ASIC2: variants seen among roughly 807,000 people sequenced by gnomAD.
The protein encoded by ASIC2 is acid-sensing ion channel 2.
A neutral mutation model predicts 57.3 loss-of-function variants in ASIC2; 25 were observed. That is an observed-to-expected ratio of 0.44 (90% confidence interval 0.32 to 0.61). The LOEUF (loss-of-function observed/expected upper bound fraction) is 0.61. Among genes scored for constraint, ASIC2 ranks in the 20% least tolerant of loss-of-function variants. The pLI is 0.06. For synonymous variants in ASIC2, 319 were observed against 307.5 expected (o/e 1.04, Z -0.39); for missense variants, 641 against 738.1 (o/e 0.87, Z 1.52).
chr17:33,889,615 A>G (rs1450583659), intron 1 of ASIC2, among the ~76,000 whole-genome samples: 1 of 152,328 alleles, frequency 6.6e-6, no homozygotes, highest in African/African-American at 2.4e-5. Context: ...GATAATACTA[A>G]CGTAAGTTGC....
intron 1 of ASIC2, among the ~76,000 whole-genome samples, chr17:33,523,874 T>C (rs746521124): frequency 2.6e-5 from 4 of 152,202 alleles, no homozygotes; most frequent in Non-Finnish European, 4.4e-5. Context: ...GGGAAGTTCC[T>C]GCTCTCATGA....
chr17:33,845,449 G>C (rs141597033), intron 1 of ASIC2, among the ~76,000 whole-genome samples: 1 of 152,150 alleles, frequency 6.6e-6, no homozygotes, highest in East Asian at 1.9e-4. Flanking sequence ...TGGTAAGAGA[G>C]CAGCCTTGAA....
At position 33,864,642 on chromosome 17, in the gene ASIC2, C is replaced by T. The variant is rs978613308; in HGVS notation, c.555+291336G>A. On this transcript the variant is annotated intron_variant, in intron 1 of 9. Coordinates refer to the ASIC2 transcript ENST00000359872. Reference sequence around the variant, plus strand: ...TGGAGGGGAGACTGTTCTGAATTTCCCAGCAGCGAACAGGTACCCTATGCA... The same window carrying T: ...TGGAGGGGAGACTGTTCTGAATTTCTCAGCAGCGAACAGGTACCCTATGCA... Among the ~76,000 whole-genome samples, 54 of 152,116 alleles carry T rather than the reference C, an allele frequency of 3.5e-4. 1 individual carries two copies. The highest frequency in any genetic ancestry group is 6.6e-4 in the Non-Finnish European group (45 of 68,028).
chr17:33,163,399 C>G (rs1905216302), intron 1 of ASIC2, among the ~76,000 whole-genome samples: 1 of 151,932 alleles, frequency 6.6e-6, no homozygotes, highest in South Asian at 2.1e-4. Flanking sequence ...CTGCACCAGC[C>G]CCTGCCTGCA....
At chr17:33,844,228 A>C (rs917927524) in intron 1 of ASIC2, among the ~76,000 whole-genome samples, 3 of 152,210 alleles carry the variant, frequency 2.0e-5, no homozygotes, top group Admixed American at 6.5e-5. Context: ...CTTTTAAATG[A>C]ATTTTACTAA....
chr17:34,099,388 G>T (rs1356811396), intron 1 of ASIC2, among the ~76,000 whole-genome samples: 1 of 133,166 alleles, frequency 7.5e-6, no homozygotes, highest in Non-Finnish European at 1.6e-5. Flanking sequence ...AAAAGAGAAA[G>T]AGGAAAAAAG....
intron 1 of ASIC2, among the ~76,000 whole-genome samples, chr17:33,635,844 A>T (rs899302021): frequency 6.6e-6 from 1 of 152,190 alleles, no homozygotes; most frequent in African/African-American, 2.4e-5. Flanking sequence ...TCTTACTGAA[A>T]GAGTCACATA....
intron 1 of ASIC2, among the ~76,000 whole-genome samples, chr17:33,990,727 T>C (rs927647353): frequency 2.6e-5 from 4 of 151,986 alleles, no homozygotes; most frequent in Non-Finnish European, 5.9e-5. Flanking sequence ...CAAAGCGCAA[T>C]GTGAGAAGAA....
chr17:33,122,023 G>C (rs781268833), intron 1 of ASIC2, among the ~76,000 whole-genome samples: 3 of 152,348 alleles, frequency 2.0e-5, no homozygotes, highest in Admixed American at 1.3e-4. Context: ...GGCTGACTGT[G>C]ATGAGCACCC....
intron 1 of ASIC2, among the ~76,000 whole-genome samples, chr17:33,734,147 C>T (rs1909835162): frequency 1.3e-5 from 2 of 152,182 alleles, no homozygotes; most frequent in South Asian, 4.1e-4. Flanking sequence ...TCTCTGCCTT[C>T]CCTCATGTGC....
At chr17:33,475,283 G>A (rs962217886) in intron 1 of ASIC2, among the ~76,000 whole-genome samples, 4 of 111,900 alleles carry the variant, frequency 3.6e-5, no homozygotes, top group African/African-American at 1.5e-4. Flanking sequence ...TACCATATTT[G>A]TTTCAGGTCT....
chr17:33,022,996 T>C (rs2091843416), intron 6 of ASIC2, among the ~76,000 whole-genome samples: 1 of 152,202 alleles, frequency 6.6e-6, no homozygotes, highest in South Asian at 2.1e-4. Flanking sequence ...CTTGAACTCC[T>C]GGCCTGAAGC....
intron 1 of ASIC2, among the ~76,000 whole-genome samples, chr17:34,149,499 A>G (rs1904430023): frequency 6.6e-6 from 1 of 152,170 alleles, no homozygotes; most frequent in Non-Finnish European, 1.5e-5. Context: ...ATTTCACCAT[A>G]TATCAACTAG....
chr17:33,112,117 CG>C (rs1387002022), intron 1 of ASIC2, 50 bp from the exon 2 acceptor site: 1 of 1,551,786 alleles, frequency 6.4e-7, no homozygotes, highest in Non-Finnish European at 8.7e-7. Context: ...TAACTTCAGA[CG>C]GGGGTCCAGA....
intron 1 of ASIC2, among the ~76,000 whole-genome samples, chr17:34,126,971 C>T (rs1002260243): frequency 1.3e-4 from 20 of 152,114 alleles, no homozygotes; most frequent in Non-Finnish European, 2.5e-4. Context: ...TTATTCCACC[C>T]TCCAACTCAG....
chr17:33,308,998 A>G (rs1906295795), intron 1 of ASIC2, among the ~76,000 whole-genome samples: 1 of 152,202 alleles, frequency 6.6e-6, no homozygotes, highest in Non-Finnish European at 1.5e-5. Flanking sequence ...TTCCAGGCTG[A>G]TAAATGCTTG....
intron 1 of ASIC2, among the ~76,000 whole-genome samples, chr17:33,453,258 C>G (rs1912328294): frequency 6.7e-6 from 1 of 148,658 alleles, no homozygotes; most frequent in African/African-American, 2.5e-5. Context: ...GCTGGGGACA[C>G]TCCTCTTCCT....
Position 33,231,676 on chromosome 17 carries a change from T to A in ASIC2, c.708+59732A>T, listed in dbSNP as rs371634. Among the ~76,000 whole-genome samples, 57 of 151,944 alleles carry A rather than the reference T, an allele frequency of 3.8e-4. No individual in the cohort carries two copies. In the South Asian group the frequency reaches 4.0e-3, roughly 11 times the overall value. On this transcript the variant is annotated intron_variant, in intron 1 of 9. Coordinates refer to ENST00000225823, the MANE Select transcript of ASIC2 (RefSeq NM_183377.2). ...CCTGATGGGTCACTGTGATCAGGGT[T>A]CTGGAACTGCTCCCTGACCCCATTA... is the stretch of plus-strand genomic sequence containing the variant.
intron 3 of ASIC2, among the ~76,000 whole-genome samples, chr17:33,079,184 G>A (rs2092101926): frequency 6.6e-6 from 1 of 152,204 alleles, no homozygotes; most frequent in Admixed American, 6.5e-5. Flanking sequence ...ATGAAGAATA[G>A]AAGTATGATA....
Sources: allele counts gnomAD v4.1 joint callset (sites outside exome capture counted in the v4.1 genomes callset), GRCh38; gene constraint gnomAD v4.1.1; transcripts MANE v1.5; gene names NCBI Gene and HGNC (gene_info 2026-07-23, HGNC 2026-07-21).